Variants in DNAH5 observed in about 807,000 individuals in gnomAD.
DNAH5 encodes dynein axonemal heavy chain 5.
DNAH5 carries 372 observed loss-of-function variants against 518.2 expected under a neutral mutation model. The observed-to-expected ratio is 0.72, with a 90% CI of 0.66 to 0.78. The LOEUF is 0.78. Among genes scored for constraint, DNAH5 ranks in the 30% least tolerant of loss-of-function variants. The probability of loss-of-function intolerance (pLI) is 0.00; values close to 1 mark genes in which losing one functional copy is unlikely to be tolerated. For synonymous variants in DNAH5, 2,039 were observed against 2,025.9 expected (o/e 1.01, Z -0.17); for missense variants, 5,523 against 5,687.0 (o/e 0.97, Z 0.93).
chr5:13,976,687 G>GTATATATATATA (rs1231927910), intron 1 of DNAH5, among the ~76,000 whole-genome samples: 80 of 121,340 alleles, frequency 6.6e-4, no homozygotes, highest in African/African-American at 2.3e-3. Context: ...ATGTGTGTGT[G>GTATATATATATA]TGTATATATA....
chr5:13,851,829 A>G (rs982149080), intron 30 of DNAH5, among the ~76,000 whole-genome samples: 1 of 152,036 alleles, frequency 6.6e-6, no homozygotes, highest in Non-Finnish European at 1.5e-5. Context: ...TCCCAGCAAG[A>G]TCAACACAGA....
At position 13,858,021 on chromosome 5, in the gene DNAH5, G is replaced by C. The variant is rs181443615; in HGVS notation, c.4950+1431C>G. On this transcript the variant is annotated intron_variant, in intron 30 of 78. Coordinates refer to ENST00000265104, the MANE Select transcript of DNAH5 (RefSeq NM_001369.3). ...CCAAAACAGTGTGGTGATTCCTCAA[G>C]GAGCTAGAACTAGAAATGCCACTTG... 8.5e-4 allele frequency among the ~76,000 whole-genome samples: 129 copies of C among 152,142 alleles called. 1 individual carries two copies. Among genetic ancestry groups the C allele is most frequent in the African/African-American group, 2.9e-3 (119 of 41,520 alleles).
intron 61 of DNAH5, among the ~76,000 whole-genome samples, chr5:13,755,286 C>T (rs1449166961): frequency 2.0e-5 from 3 of 151,980 alleles, no homozygotes; most frequent in African/African-American, 7.3e-5. Flanking sequence ...TGCTAAATGT[C>T]TAACAATAGA....
chr5:13,803,706 C>T (rs998712262), intron 47 of DNAH5, among the ~76,000 whole-genome samples: 1 of 152,102 alleles, frequency 6.6e-6, no homozygotes, highest in African/African-American at 2.4e-5. Context: ...CTCTGAGGAG[C>T]CAAAAGGATT....
chr5:13,918,170 C>G (rs751471185), intron 7 of DNAH5, among the ~76,000 whole-genome samples: 1 of 152,194 alleles, frequency 6.6e-6, no homozygotes, highest in African/African-American at 2.4e-5. Context: ...GTTGGGGACT[C>G]TCTTGCCCTC....
At chr5:13,803,151 A>G (rs562035663) in intron 47 of DNAH5, among the ~76,000 whole-genome samples, 5 of 152,172 alleles carry the variant, frequency 3.3e-5, no homozygotes, top group Non-Finnish European at 7.3e-5. Context: ...TGCATGTTAC[A>G]TACAATTAAA....
chr5:13,829,787 C>A (rs1163372813), intron 37 of DNAH5, 83 bp from the exon 38 acceptor site: 24 of 1,384,108 alleles, frequency 1.7e-5, no homozygotes, highest in Non-Finnish European at 2.3e-5. Context: ...TATGTACACA[C>A]AACAAATCTG....
intron 12 of DNAH5, among the ~76,000 whole-genome samples, chr5:13,907,976 G>A (rs1580838983): frequency 6.6e-6 from 1 of 152,090 alleles, no homozygotes; most frequent in East Asian, 1.9e-4. Flanking sequence ...GATAATGTTA[G>A]GTCAGAAGTA....
At chr5:13,939,485 A>T (rs979068813) in intron 1 of DNAH5, among the ~76,000 whole-genome samples, 2 of 152,088 alleles carry the variant, frequency 1.3e-5, no homozygotes, top group Non-Finnish European at 2.9e-5. Context: ...TCTCTAACTC[A>T]TTTACCCTTA....
At chr5:13,740,550 C>A (rs1447614868) in intron 65 of DNAH5, among the ~76,000 whole-genome samples, 1 of 152,184 alleles carries the variant, frequency 6.6e-6, no homozygotes, top group Non-Finnish European at 1.5e-5. Context: ...GCATTAGGAT[C>A]ACCTGGAAGG....
chr5:13,874,364 G>A (rs1770561402), intron 22 of DNAH5, among the ~76,000 whole-genome samples: 1 of 152,132 alleles, frequency 6.6e-6, no homozygotes. Context: ...CTTTTAAAGT[G>A]TCTGTCTTTA....
In DNAH5 at chr5:14,008,550, G is replaced by A. The variant is rs114065452; in HGVS notation, c.12+3098C>T. ...GTGGTATGAGAATCACAGAAGAATC[G>A]AGAATTGCTTGAACCCTTGGAGATG... On this transcript the variant is annotated intron_variant, in intron 1 of 78. Transcript: ENST00000681290. Among the ~76,000 whole-genome samples, 707 of 151,946 alleles carry A rather than the reference G, an allele frequency of 4.7e-3. 7 individuals are homozygous for A. The highest frequency in any genetic ancestry group is 0.016 in the African/African-American group (665 of 41,448).
rs1236211327 is a variant in DNAH5 at position 13,902,145 on chromosome 5, CAG to C, written c.1645-9_1645-8del. ...TGAACTTCCGCAACTCGTTCTAAAA[CAG>C]AATAAAATCTGATGATGAACAATAG... On this transcript the variant is annotated splice_region_variant and splice_polypyrimidine_tract_variant and intron_variant, in intron 12 of 78. Transcript: ENST00000265104. 1 of 1,590,114 alleles carries C rather than the reference CAG, an allele frequency of 6.3e-7. No individual in the cohort carries two copies. Among genetic ancestry groups the C allele is most frequent in the Non-Finnish European group, 8.6e-7 (1 of 1,161,052 alleles).
At chr5:13,898,829 C>G in intron 15 of DNAH5, 1 of 387,080 alleles carries the variant, frequency 2.6e-6, no homozygotes, top group African/African-American at 2.1e-5. Context: ...GGCCGCATCT[C>G]TGATCTCACC....
chr5:13,923,171 G>A, intron 4 of DNAH5, 109 bp downstream of exon 4: 2 of 1,411,048 alleles, frequency 1.4e-6, no homozygotes, highest in South Asian at 1.2e-5. Flanking sequence ...TCTGAAAGTA[G>A]TTTTAGATAC....
chr5:13,727,564 G>C lies in DNAH5; in HGVS notation c.11976C>G (p.Asp3992Glu). The C allele has an allele frequency of 1.2e-6, 2 of 1,613,936 alleles. No individual in the cohort carries two copies. The highest frequency in any genetic ancestry group is 1.7e-6 in the Non-Finnish European group (2 of 1,179,850). Residue 3992 changes from aspartate (D) to glutamate (E), a missense_variant, in exon 70 of 79, where the codon GAC becomes GAG. By Grantham distance (45) the Asp-to-Glu change is conservative. Coordinates refer to ENST00000265104, the MANE Select transcript of DNAH5 (RefSeq NM_001369.3). ...TAATAAGGAGAAGACGTCTGAAGCAGTCAAGAGATTTATCATAGGCATTTG... is the reference window on the plus strand; with the variant it reads ...TAATAAGGAGAAGACGTCTGAAGCACTCAAGAGATTTATCATAGGCATTTG... ...PLPNAYDKSL[D>E]CFRRLLLIRS...
chr5:13,837,554 TCTTCTCAAAA>T (rs1335451426), intron 35 of DNAH5, among the ~76,000 whole-genome samples: 2 of 126,754 alleles, frequency 1.6e-5, no homozygotes, highest in Non-Finnish European at 3.3e-5. Flanking sequence ...AATGCGTCTA[TCTTCTCAAAA>T]AAAAAAACAT....
chr5:13,925,984 T>TA lies in DNAH5; in HGVS notation c.277+2109dup, dbSNP rs36001652. On this transcript the variant is annotated intron_variant, in intron 3 of 78. Transcript: ENST00000265104. ...ACCCAACCACCTAAAGAGCTTGATT[T>TA]ATGTCTCCTGGAGTTTAGGAACAAA... Among the ~76,000 whole-genome samples the TA allele has an allele frequency of 2.5e-3, 379 of 152,272 alleles. 3 individuals are homozygous for TA. The highest frequency in any genetic ancestry group is 4.6e-3 in the Non-Finnish European group (310 of 68,012).
chr5:13,868,964 A>T (rs1045771961), intron 24 of DNAH5, among the ~76,000 whole-genome samples: 4 of 152,144 alleles, frequency 2.6e-5, no homozygotes, highest in African/African-American at 9.7e-5. Context: ...TGATGTTTTG[A>T]TCTTGTCTAC....
Sources: allele counts gnomAD v4.1 joint callset (sites outside exome capture counted in the v4.1 genomes callset), GRCh38; gene constraint gnomAD v4.1.1; transcripts MANE v1.5; gene names NCBI Gene and HGNC (gene_info 2026-07-23, HGNC 2026-07-21).